ICE2: variants seen among roughly 807,000 people sequenced by gnomAD.
ICE2 encodes the protein interactor of little elongation complex ELL subunit 2.
In ICE2, 87 loss-of-function variants were observed where a neutral mutation model predicts 105.4. The ratio of observed to expected loss-of-function variants is 0.83; its 90% CI spans 0.69 to 0.99. The LOEUF (loss-of-function observed/expected upper bound fraction) is 0.99, where lower values mean the gene tolerates loss of function less well. ICE2 is among the 50% of genes least tolerant of loss of function. The pLI is 0.00. For missense variants in ICE2, 1,323 were observed against 1,146.7 expected, an observed-to-expected ratio of 1.15 and a Z score of -2.22; for synonymous variants, 399 against 392.0, an observed-to-expected ratio of 1.02 and a Z score of -0.21.
chr15:60,450,486 C>T (rs2063939938), intron 9 of ICE2, among the ~76,000 whole-genome samples: 1 of 152,154 alleles, frequency 6.6e-6, no homozygotes, highest in Non-Finnish European at 1.5e-5. Context: ...CTACACACGG[C>T]TTTTAACTTA....
chr15:60,449,486 T>A lies in ICE2; in HGVS notation c.1481A>T (p.Lys494Met). 1.2e-6 allele frequency: 2 copies of A among 1,614,186 alleles called. No individual in the cohort carries two copies. The highest frequency in any genetic ancestry group is 1.7e-6 in the Non-Finnish European group (2 of 1,180,016). Residue 494 changes from lysine to methionine, a missense_variant, in exon 10 of 16, where the codon AAG becomes ATG. By Grantham distance (95) the Lys-to-Met change is moderately conservative. Coordinates refer to ENST00000261520, the MANE Select transcript of ICE2 (RefSeq NM_024611.6). Reference sequence around the variant, plus strand: ...CAAAGGCTTGTCAGAATTTGATACCTTTTCACATGATTCAAATCCCTGATC... The same window carrying A: ...CAAAGGCTTGTCAGAATTTGATACCATTTCACATGATTCAAATCCCTGATC... ...KDDQGFESCE[K>M]VSNSDKPLIQ...
In ICE2 at chr15:60,478,069, G is replaced by T; in HGVS notation, c.-92C>A. On this transcript the variant is annotated splice_region_variant and 5_prime_UTR_variant, in exon 2 of 16. In the 5' UTR this introduces an upstream ATG that the reference lacks. Coordinates refer to ENST00000261520, the MANE Select transcript of ICE2 (RefSeq NM_024611.6). Reference sequence around the variant, plus strand: ...GCAGGATCCCTCCAGAACTTACTCAGCTGAGTAAAAACAAAAGGCCAAGAT... The same window carrying T: ...GCAGGATCCCTCCAGAACTTACTCATCTGAGTAAAAACAAAAGGCCAAGAT... 1 of 1,210,858 alleles carries T rather than the reference G, an allele frequency of 8.3e-7. No homozygotes were observed. The highest frequency in any genetic ancestry group is 1.2e-6 in the Non-Finnish European group (1 of 818,028). 75.0% of individuals were successfully genotyped at this position (1,210,858 alleles called of 1,614,324 possible).
At chr15:60,460,222 G>A (rs930764936) in intron 5 of ICE2, among the ~76,000 whole-genome samples, 3 of 152,150 alleles carry the variant, frequency 2.0e-5, no homozygotes, top group African/African-American at 4.8e-5. Flanking sequence ...GGCTGGGTGC[G>A]GTGGCTCACA....
chr15:60,460,521 T>C (rs896715689), intron 5 of ICE2, among the ~76,000 whole-genome samples: 2 of 152,166 alleles, frequency 1.3e-5, no homozygotes, highest in African/African-American at 4.8e-5. Flanking sequence ...ATCCACATGA[T>C]GGTGACGAGG....
chr15:60,470,880 G>A (rs917117673), intron 3 of ICE2, among the ~76,000 whole-genome samples: 1 of 151,920 alleles, frequency 6.6e-6, no homozygotes, highest in African/African-American at 2.4e-5. Context: ...TAGTAAAGGA[G>A]GTATCTTATT....
intron 5 of ICE2, among the ~76,000 whole-genome samples, chr15:60,462,518 T>C (rs2064307088): frequency 6.6e-6 from 1 of 151,942 alleles, no homozygotes; most frequent in Non-Finnish European, 1.5e-5. Flanking sequence ...CAGTACAAAA[T>C]AAATATATAC....
chr15:60,464,691 G>A (rs1567004513), intron 5 of ICE2, among the ~76,000 whole-genome samples: 2 of 152,092 alleles, frequency 1.3e-5, no homozygotes, highest in African/African-American at 4.8e-5. Context: ...ATGGGGGATG[G>A]GAGGGAGGGG....
In ICE2 at chr15:60,447,979, T is replaced by G; in HGVS notation, c.2286A>C (p.Lys762Asn). 1 of 1,607,680 alleles carries G rather than the reference T, an allele frequency of 6.2e-7. No individual in the cohort carries two copies. Among genetic ancestry groups the G allele is most frequent in the South Asian group, 1.1e-5 (1 of 89,266 alleles). ...GCAAATAACAACTTACTCTTCTGAT[T>G]TTCTTCCGTTTTTTAGAACGTGGTC... is the stretch of plus-strand genomic sequence containing the variant. ...ETRPRSKKRK[K>N]IRRQFPVYVL... The change falls in exon 11 of 16, where the codon AAA (lysine) becomes AAC (asparagine). Residue 762 changes from lysine (K) to asparagine (N), a missense_variant. Transcript: ENST00000261520.
chr15:60,452,210 A>C, intron 9 of ICE2: 1 of 946,702 alleles, frequency 1.1e-6, no homozygotes, highest in South Asian at 4.9e-5. Context: ...TGTATCATAA[A>C]AATATTAAAA....
At chr15:60,450,041 CATG>C (rs2063925846) in intron 9 of ICE2, among the ~76,000 whole-genome samples, 200 bp from the exon 10 acceptor site, 1 of 152,138 alleles carries the variant, frequency 6.6e-6, no homozygotes, top group Non-Finnish European at 1.5e-5. Context: ...CTGATATGTT[CATG>C]ATAACAGGCA....
intron 5 of ICE2, among the ~76,000 whole-genome samples, chr15:60,457,187 T>C (rs2064150473): frequency 6.6e-6 from 1 of 152,176 alleles, no homozygotes; most frequent in Admixed American, 6.5e-5. Context: ...GTAGTTATCT[T>C]ACAGGTCACT....
rs948843706 is a variant in ICE2, at chr15:60,421,041, T to A, written c.*2593A>T. The A allele has an allele frequency of 1.3e-5, 2 of 151,704 alleles. No individual in the cohort carries two copies. Among genetic ancestry groups the A allele is most frequent in the African/African-American group, 4.9e-5 (2 of 41,050 alleles). 9.4% of individuals were successfully genotyped at this position (151,704 alleles called of 1,614,324 possible). The stretch of plus-strand genomic sequence containing the variant: ...GGTGAGATCTGAAAAAACAAGGCTA[T>A]GAGAGAATAACTGTGGGGACCTACT... On this transcript the variant is annotated 3_prime_UTR_variant, in exon 16 of 16. Coordinates refer to ENST00000261520, the MANE Select transcript of ICE2 (RefSeq NM_024611.6).
intron 13 of ICE2, among the ~76,000 whole-genome samples, chr15:60,432,943 T>C (rs2063495667): frequency 6.6e-6 from 1 of 152,136 alleles, no homozygotes; most frequent in Non-Finnish European, 1.5e-5. Flanking sequence ...TAAGAGGTCT[T>C]TAGTAAAGCT....
chr15:60,455,644 G>C (rs2064087503), intron 6 of ICE2, among the ~76,000 whole-genome samples: 1 of 149,618 alleles, frequency 6.7e-6, no homozygotes, highest in African/African-American at 2.5e-5. Flanking sequence ...TTGAGACTAA[G>C]TCTCACTCTG....
intron 9 of ICE2, 143 bp downstream of exon 9, chr15:60,453,460 C>A: frequency 7.1e-7 from 1 of 1,415,476 alleles, no homozygotes; most frequent in Non-Finnish European, 9.2e-7. Context: ...GCCTAAAGTC[C>A]AGCTAGACTC....
chr15:60,431,217 A>G (rs1443339629), intron 14 of ICE2, among the ~76,000 whole-genome samples: 1 of 151,848 alleles, frequency 6.6e-6, no homozygotes, highest in Non-Finnish European at 1.5e-5. Flanking sequence ...TGAAAATAAT[A>G]TAGCTATGGT....
intron 11 of ICE2, chr15:60,445,582 T>A: frequency 1.0e-6 from 1 of 962,886 alleles, no homozygotes; most frequent in African/African-American, 1.8e-5. Context: ...AGACAGTCTT[T>A]AGGGTGTGAC....
At chr15:60,425,545 C>T (rs137932987) in intron 15 of ICE2, among the ~76,000 whole-genome samples, 1 of 152,246 alleles carries the variant, frequency 6.6e-6, no homozygotes, top group African/African-American at 2.4e-5. Context: ...AAATGGGACC[C>T]TTAAATACAA....
At chr15:60,436,251 AAAG>A (rs752341440) in intron 12 of ICE2, 24 bp from the exon 13 acceptor site, 25 of 1,009,936 alleles carry the variant, frequency 2.5e-5, no homozygotes, top group Middle Eastern at 2.2e-4. Flanking sequence ...TCAAACTTAG[AAAG>A]AAGAAGCAAT....
Sources: gnomAD v4.1 joint callset for allele counts (sites outside exome capture counted in the v4.1 genomes callset) on GRCh38, gnomAD v4.1.1 for gene constraint, MANE v1.5 for transcripts, NCBI Gene and HGNC (gene_info 2026-07-23, HGNC 2026-07-21) for gene names.